The following FHOD3 variants were observed in gnomAD, a reference collection of about 807,000 sequenced individuals.
The protein encoded by FHOD3 is formin homology 2 domain containing 3.
In FHOD3, 90 loss-of-function variants were observed where a neutral mutation model predicts 173.0. That is an observed-to-expected ratio of 0.52 (90% CI 0.44 to 0.62). The LOEUF (loss-of-function observed/expected upper bound fraction) is 0.62, where lower values mean the gene tolerates loss of function less well. Ranked by LOEUF, FHOD3 falls within the 20% of genes least tolerant of loss-of-function variation. The pLI is 0.00. For missense variants in FHOD3, 1,945 were observed against 2,034.7 expected (o/e 0.96, Z 0.85); for synonymous variants, 828 against 823.0 (o/e 1.01, Z -0.10).
chr18:36,512,600 A>G (rs2055718595), intron 5 of FHOD3, 57 bp downstream of exon 5: 2 of 1,247,480 alleles, frequency 1.6e-6, no homozygotes, highest in Admixed American at 1.8e-5. Context: ...ATCTGGGTTC[A>G]CCTTCAGGAA....
intron 14 of FHOD3, among the ~76,000 whole-genome samples, chr18:36,661,060 T>G (rs1054766517): frequency 3.9e-5 from 6 of 152,130 alleles, no homozygotes; most frequent in African/African-American, 1.4e-4. Context: ...GCAGTTTTAT[T>G]AAGACCAGGA....
At chr18:36,725,269 C>T (rs1481306712) in intron 19 of FHOD3, among the ~76,000 whole-genome samples, 1 of 152,210 alleles carries the variant, frequency 6.6e-6, no homozygotes, top group East Asian at 1.9e-4. Flanking sequence ...TGTCCTGTTG[C>T]TCCAGAGCTG....
intron 9 of FHOD3, among the ~76,000 whole-genome samples, chr18:36,616,101 C>T (rs898037368): frequency 6.6e-6 from 1 of 152,088 alleles, no homozygotes; most frequent in African/African-American, 2.4e-5. Flanking sequence ...TCCTAAGATA[C>T]AAGATGGAGA....
intron 5 of FHOD3, among the ~76,000 whole-genome samples, chr18:36,571,049 T>G (rs1286264575): frequency 6.6e-6 from 1 of 152,090 alleles, no homozygotes; most frequent in African/African-American, 2.4e-5. Flanking sequence ...GGATATAGAT[T>G]GGGAAGGAAG....
intron 1 of FHOD3, among the ~76,000 whole-genome samples, chr18:36,340,762 G>T (rs528172106): frequency 6.6e-6 from 1 of 151,418 alleles, no homozygotes; most frequent in Non-Finnish European, 1.5e-5. Flanking sequence ...TCAGCCTCCC[G>T]AGTAGCTGGG....
chr18:36,559,186 C>T (rs936792957), intron 5 of FHOD3, among the ~76,000 whole-genome samples: 5 of 152,114 alleles, frequency 3.3e-5, no homozygotes, highest in Non-Finnish European at 5.9e-5. Context: ...GTTTTCAGGG[C>T]GGGATGATGT....
rs577127201 is a variant in FHOD3 at position 36,332,477 on chromosome 18, T to C, written c.166-23062T>C. Among the ~76,000 whole-genome samples the C allele has an allele frequency of 2.0e-5, 3 of 152,326 alleles. No homozygotes were observed. In the South Asian group the frequency reaches 6.2e-4, roughly 32 times the overall value. On this transcript the variant is annotated intron_variant, in intron 1 of 28. Transcript: ENST00000590592. ...AGCTGGAGCAGGCAGATGCTCCTGC[T>C]AGAGATGTATGTGACTTGAGGAACT...
chr18:36,757,831 G>T (rs1281574040), intron 25 of FHOD3, among the ~76,000 whole-genome samples: 3 of 152,162 alleles, frequency 2.0e-5, no homozygotes, highest in Non-Finnish European at 4.4e-5. Flanking sequence ...TAGAGCAAAT[G>T]GTGACATAGA....
intron 12 of FHOD3, among the ~76,000 whole-genome samples, chr18:36,653,136 G>C (rs923257455): frequency 6.6e-6 from 1 of 152,196 alleles, no homozygotes; most frequent in Non-Finnish European, 1.5e-5. Context: ...ATTGTCATCT[G>C]TTTGAATTAA....
chr18:36,497,996 A>G (rs1949233), intron 3 of FHOD3, among the ~76,000 whole-genome samples: 14,932 of 152,282 alleles, frequency 0.098, 852 homozygotes, highest in Non-Finnish European at 0.11. Context: ...TTGATAAAGT[A>G]TATGTTCTGA....
At chr18:36,618,510 C>G (rs2033433115) in intron 9 of FHOD3, among the ~76,000 whole-genome samples, 1 of 151,910 alleles carries the variant, frequency 6.6e-6, no homozygotes, top group Non-Finnish European at 1.5e-5. Flanking sequence ...CAGGGTTTCT[C>G]CATGTTGGTT....
Position 36,625,594 on chromosome 18 carries a change from T to C in FHOD3, c.1041T>C (p.Cys347=). ...GGGACCGGAGGAGGGCCAGCGTGTG[T>C]TCCAGTGGCGGAGGCGAGCACCGGG... The part of the protein sequence containing the change: ...GCRDRRRASV[C]SSGGGEHRGL... The change falls in exon 10 of 29, where the codon TGT becomes TGC. Residue 347 remains cysteine (C), a synonymous_variant. Coordinates refer to ENST00000590592, the MANE Select transcript of FHOD3 (RefSeq NM_001281740.3). The C allele has an allele frequency of 6.3e-7, 1 of 1,579,778 alleles. No homozygotes were observed. Among genetic ancestry groups the C allele is most frequent in the South Asian group, 1.1e-5 (1 of 87,920 alleles).
intron 5 of FHOD3, chr18:36,544,784 A>G (rs1203224166): frequency 2.0e-5 from 3 of 152,242 alleles, no homozygotes; most frequent in Admixed American, 1.3e-4. Flanking sequence ...CTCTCTTAAC[A>G]TCTTCCCAGG....
At chr18:36,608,387 A>G (rs1035445997) in intron 8 of FHOD3, among the ~76,000 whole-genome samples, 1 of 152,216 alleles carries the variant, frequency 6.6e-6, no homozygotes, top group Admixed American at 6.5e-5. Flanking sequence ...TACTCCTACA[A>G]TAATTAACCC....
At chr18:36,642,582 CAAAAAAAAAAAAAAA>C (rs35920197) in intron 10 of FHOD3, among the ~76,000 whole-genome samples, 4 of 61,818 alleles carry the variant, frequency 6.5e-5, no homozygotes, top group African/African-American at 2.0e-4. Context: ...GACTCCGTCT[CAAAAAAAAAAAAAAA>C]AAAAAAAAAA....
At chr18:36,529,994 C>T (rs1472923482) in intron 5 of FHOD3, among the ~76,000 whole-genome samples, 1 of 151,036 alleles carries the variant, frequency 6.6e-6, no homozygotes. Context: ...TTGAGAGGGA[C>T]CAGCCTTCCA....
intron 3 of FHOD3, among the ~76,000 whole-genome samples, chr18:36,435,641 A>G (rs2050774129): frequency 6.6e-6 from 1 of 152,180 alleles, no homozygotes; most frequent in African/African-American, 2.4e-5. Flanking sequence ...GAAACTGGCT[A>G]ATGATATAGA....
intron 1 of FHOD3, among the ~76,000 whole-genome samples, chr18:36,316,811 T>C (rs1466390032): frequency 6.6e-6 from 1 of 152,140 alleles, no homozygotes; most frequent in South Asian, 2.1e-4. Flanking sequence ...CCATGTTGGT[T>C]TGCTGCACCC....
chr18:36,676,637 T>A (rs2037877503), intron 14 of FHOD3, among the ~76,000 whole-genome samples: 1 of 152,228 alleles, frequency 6.6e-6, no homozygotes, highest in African/African-American at 2.4e-5. Context: ...TTTCGACTTC[T>A]AGAAGCAGTG....
Sources: gnomAD v4.1 joint callset for allele counts (sites outside exome capture counted in the v4.1 genomes callset) on GRCh38, gnomAD v4.1.1 for gene constraint, MANE v1.5 for transcripts, NCBI Gene and HGNC (gene_info 2026-07-23, HGNC 2026-07-21) for gene names.